The following CSMD2 variants were observed in gnomAD, a reference collection of about 807,000 sequenced individuals.
The protein encoded by CSMD2 is CUB and sushi domain-containing protein 2.
A neutral mutation model predicts 398.5 loss-of-function variants in CSMD2; 130 were observed. The ratio of observed to expected loss-of-function variants is 0.33; its 90% CI spans 0.28 to 0.38. The LOEUF (loss-of-function observed/expected upper bound fraction) is 0.38, where lower values mean the gene tolerates loss of function less well. Ranked by LOEUF, CSMD2 falls within the 10% of genes least tolerant of loss-of-function variation. CSMD2 has a pLI of 1.00. For missense variants in CSMD2, 3,829 were observed against 4,764.9 expected (o/e 0.80, Z 5.78); for synonymous variants, 1,828 against 1,908.5 (o/e 0.96, Z 1.10).
At chr1:33,769,744 T>A (rs1651017618) in intron 13 of CSMD2, among the ~76,000 whole-genome samples, 1 of 152,166 alleles carries the variant, frequency 6.6e-6, no homozygotes, top group Non-Finnish European at 1.5e-5. Flanking sequence ...TTGCACCTCT[T>A]CAGACAACTT....
chr1:33,825,976 G>A (rs1337113498), intron 6 of CSMD2, among the ~76,000 whole-genome samples: 1 of 152,210 alleles, frequency 6.6e-6, no homozygotes, highest in East Asian at 1.9e-4. Flanking sequence ...ATCAAGGCTA[G>A]CCCTCTGAGG....
intron 51 of CSMD2, among the ~76,000 whole-genome samples, 176 bp downstream of exon 51, chr1:33,571,348 TTAAAGGAG>T (rs2148694038): frequency 6.6e-6 from 1 of 152,306 alleles, no homozygotes; most frequent in Admixed American, 6.5e-5. Context: ...AAATACTTCC[TTAAAGGAG>T]TAAAGGAGTA....
At chr1:33,631,236 C>T (rs1642449740) in intron 32 of CSMD2, among the ~76,000 whole-genome samples, 1 of 152,062 alleles carries the variant, frequency 6.6e-6, no homozygotes, top group South Asian at 2.1e-4. Flanking sequence ...GCAGGGTAAA[C>T]ATCACCATAG....
chr1:33,788,358 A>G (rs571008412), intron 12 of CSMD2, among the ~76,000 whole-genome samples: 27 of 151,964 alleles, frequency 1.8e-4, no homozygotes, highest in African/African-American at 5.8e-4. Flanking sequence ...AAATACAAAA[A>G]TTAGCCAGGC....
intron 27 of CSMD2, among the ~76,000 whole-genome samples, chr1:33,657,452 C>T (rs377164378): frequency 1.3e-5 from 2 of 152,092 alleles, no homozygotes; most frequent in African/African-American, 2.4e-5. Flanking sequence ...CCAGTCTGGG[C>T]GACAGAGTGA....
At chr1:33,921,060 A>C (rs1485038091) in intron 4 of CSMD2, among the ~76,000 whole-genome samples, 1 of 152,178 alleles carries the variant, frequency 6.6e-6, no homozygotes, top group African/African-American at 2.4e-5. Flanking sequence ...CAGAGATGAC[A>C]GAGCTGGGCT....
chr1:33,677,900 T>C (rs1351221225), intron 25 of CSMD2, among the ~76,000 whole-genome samples: 2 of 133,568 alleles, frequency 1.5e-5, no homozygotes, highest in Non-Finnish European at 3.0e-5. Context: ...CAGGTGGGAA[T>C]TGAACAATGA....
chr1:33,549,048 C>G (rs893399379), intron 56 of CSMD2, among the ~76,000 whole-genome samples: 11 of 152,304 alleles, frequency 7.2e-5, no homozygotes, highest in Admixed American at 6.5e-4. Flanking sequence ...CCTGGGCAAC[C>G]AACAGCCCTT....
chr1:34,071,603 A>G (rs1571003830), intron 2 of CSMD2, among the ~76,000 whole-genome samples: 1 of 152,088 alleles, frequency 6.6e-6, no homozygotes. Context: ...ATTTCCATCT[A>G]CCTTCCACTA....
intron 1 of CSMD2, among the ~76,000 whole-genome samples, chr1:34,106,389 C>T (rs1338885841): frequency 6.6e-6 from 1 of 152,068 alleles, no homozygotes; most frequent in Non-Finnish European, 1.5e-5. Context: ...CTGTTACAGC[C>T]CCACCCTCAT....
At chr1:34,052,257 TTAAA>T (rs1213396714) in intron 2 of CSMD2, among the ~76,000 whole-genome samples, 2 of 151,536 alleles carry the variant, frequency 1.3e-5, no homozygotes, top group African/African-American at 2.4e-5. Flanking sequence ...ATTGAAAATA[TTAAA>T]TAATAAATAA....
At chr1:33,795,066 C>T (rs980111484) in intron 10 of CSMD2, among the ~76,000 whole-genome samples, 90 of 139,368 alleles carry the variant, frequency 6.5e-4, no homozygotes, top group African/African-American at 2.2e-3. Flanking sequence ...CTAGGTGAGG[C>T]GGGATGTGGA....
chr1:33,755,921 C>CT (rs901733508), intron 13 of CSMD2, among the ~76,000 whole-genome samples: 22 of 151,818 alleles, frequency 1.4e-4, no homozygotes, highest in Admixed American at 5.3e-4. Flanking sequence ...TTTTGTGTTT[C>CT]TTTTTTTTCT....
chr1:33,555,598 C>T (rs1457737836), intron 55 of CSMD2, among the ~76,000 whole-genome samples: 3 of 152,174 alleles, frequency 2.0e-5, no homozygotes, highest in Admixed American at 2.0e-4. Flanking sequence ...TCACTGTTGT[C>T]TTATTTCAAG....
intron 3 of CSMD2, among the ~76,000 whole-genome samples, chr1:33,952,790 C>T (rs1645048669): frequency 6.6e-6 from 1 of 152,100 alleles, no homozygotes; most frequent in Admixed American, 6.6e-5. Context: ...AGCACAGTGG[C>T]CAGCACACAG....
intron 42 of CSMD2, among the ~76,000 whole-genome samples, chr1:33,602,964 T>C (rs1640327123): frequency 6.6e-6 from 1 of 152,210 alleles, no homozygotes. Context: ...TTTGATCTGC[T>C]CTTTCTAGAG....
At chr1:33,954,990 C>T (rs996370683) in intron 3 of CSMD2, among the ~76,000 whole-genome samples, 4 of 152,092 alleles carry the variant, frequency 2.6e-5, no homozygotes, top group Non-Finnish European at 1.5e-5. Context: ...TATTTCACCA[C>T]GATTGAAAAT....
intron 32 of CSMD2, among the ~76,000 whole-genome samples, chr1:33,630,295 C>T (rs985154583): frequency 2.0e-5 from 3 of 152,172 alleles, no homozygotes; most frequent in Non-Finnish European, 4.4e-5. Flanking sequence ...CTGATTTACA[C>T]TCTTGGTTGG....
At chr1:33,663,525 G>T (rs1397365346) in intron 25 of CSMD2, among the ~76,000 whole-genome samples, 2 of 152,178 alleles carry the variant, frequency 1.3e-5, no homozygotes, top group African/African-American at 2.4e-5. Flanking sequence ...CTAGAGGGCA[G>T]GGGGAACTGT....
Sources: gnomAD v4.1 joint callset for allele counts (sites outside exome capture counted in the v4.1 genomes callset) on GRCh38, gnomAD v4.1.1 for gene constraint, MANE v1.5 for transcripts, NCBI Gene and HGNC (gene_info 2026-07-23, HGNC 2026-07-21) for gene names.